The following CNGB1 variants were observed in gnomAD, a reference collection of about 807,000 sequenced individuals.
CNGB1 encodes cyclic nucleotide gated channel subunit beta 1.
In CNGB1, 126 loss-of-function variants were observed where a neutral mutation model predicts 151.7. That is an observed-to-expected ratio of 0.83 (90% CI 0.72 to 0.96). CNGB1 has a LOEUF of 0.96. CNGB1 is among the 40% of genes least tolerant of loss of function. The pLI is 0.00. For synonymous variants in CNGB1, 623 were observed against 635.1 expected, an observed-to-expected ratio of 0.98 and a Z score of 0.29; for missense variants, 1,698 against 1,627.0, an observed-to-expected ratio of 1.04 and a Z score of -0.75.
chr16:57,912,980 G>A lies in CNGB1; in HGVS notation c.2319C>T (p.Phe773=), dbSNP rs773402431. The change falls in exon 24 of 33, where the codon TTC becomes TTT. Residue 773 remains phenylalanine, a synonymous_variant. Transcript: ENST00000251102. ...TGGATTCCAGGCGGCTGTTAAACTC[G>A]AAGAAGGCCATGTACTGGAGGGAGA... ...LPRCLKYMAF[F]EFNSRLESIL... 6.2e-7 allele frequency: 1 copy of A among 1,613,938 alleles called. No homozygotes were observed. Among genetic ancestry groups the A allele is most frequent in the Non-Finnish European group, 8.5e-7 (1 of 1,179,850 alleles).
intron 7 of CNGB1, 107 bp from the exon 8 acceptor site, chr16:57,961,022 C>T: frequency 1.0e-6 from 1 of 980,428 alleles, no homozygotes; most frequent in Non-Finnish European, 1.6e-6. Flanking sequence ...CCCTCCAATC[C>T]TGTTCTGCAC....
rs1316234094 is a variant in CNGB1 at position 57,883,565 on chromosome 16, C to G, written c.*599G>C. On this transcript the variant is annotated 3_prime_UTR_variant, in exon 33 of 33. Coordinates refer to ENST00000251102, the MANE Select transcript of CNGB1 (RefSeq NM_001297.5). ...GGGACTACAGGTGCACACCATCACGCCTGGCTATTGTTTTTTTGTTTGTTT... is the reference window on the plus strand; with the variant it reads ...GGGACTACAGGTGCACACCATCACGGCTGGCTATTGTTTTTTTGTTTGTTT... 1.8e-5 allele frequency: 3 copies of G among 170,222 alleles called. No homozygotes were observed. The highest frequency in any genetic ancestry group is 1.8e-4 in the East Asian group (1 of 5,464). 10.5% of individuals were successfully genotyped at this position (170,222 alleles called of 1,614,324 possible). A position where few individuals can be genotyped will look rare whatever the true frequency, so the allele number is the denominator to read the frequency against.
chr16:57,915,171 G>A, intron 23 of CNGB1, 78 bp downstream of exon 23: 2 of 1,178,452 alleles, frequency 1.7e-6, no homozygotes, highest in East Asian at 2.3e-5. Context: ...TGCTGCTGGG[G>A]GCAGACACGA....
At chr16:57,909,693 A>C (rs1267864533) in intron 25 of CNGB1, among the ~76,000 whole-genome samples, 1 of 152,208 alleles carries the variant, frequency 6.6e-6, no homozygotes, top group African/African-American at 2.4e-5. Flanking sequence ...CTGGCTAAAA[A>C]AGTTTTTTTA....
At chr16:57,948,446 C>T (rs184507001) in intron 14 of CNGB1, among the ~76,000 whole-genome samples, 2 of 152,056 alleles carry the variant, frequency 1.3e-5, no homozygotes, top group Admixed American at 1.3e-4. Context: ...TGAGCCACCA[C>T]GCCTGGTCGA....
chr16:57,903,867 C>G lies in CNGB1; in HGVS notation c.2749G>C (p.Val917Leu), dbSNP rs200022855. ...YKIPKSVQNR[V>L]KTWYEYTWHS... ...CAGGTGTACTCGTACCAGGTCTTGA[C>G]GCGGTTCTGCACGGACTTGGGGATC... The change falls in exon 27 of 33, where the codon GTC becomes CTC. Residue 917 changes from valine to leucine, a missense_variant. Coordinates refer to ENST00000251102, the MANE Select transcript of CNGB1 (RefSeq NM_001297.5). 14 of 1,614,178 alleles carry G rather than the reference C, an allele frequency of 8.7e-6. No individual in the cohort carries two copies. Among genetic ancestry groups the G allele is most frequent in the East Asian group, 2.2e-5 (1 of 44,866 alleles).
At position 57,922,431 on chromosome 16, in the gene CNGB1, C is replaced by CT. The variant is rs60969134; in HGVS notation, c.1643+841dup. Among the ~76,000 whole-genome samples the CT allele has an allele frequency of 5.8e-3, 796 of 136,516 alleles. 5 individuals are homozygous for CT. Among genetic ancestry groups the CT allele is most frequent in the African/African-American group, 0.01 (351 of 33,548 alleles). The allele number at this position is 136,516 out of a possible 152,430, so 89.6% of individuals were successfully genotyped here. ...TCTTTCTCTCTTTCTTTCTTTCTTTCTTTTTTTTTTTTTTGAGATGAAGTA... is the reference window on the plus strand; with the variant it reads ...TCTTTCTCTCTTTCTTTCTTTCTTTCTTTTTTTTTTTTTTTGAGATGAAGTA... On this transcript the variant is annotated intron_variant, in intron 18 of 32. Transcript: ENST00000251102.
chr16:57,911,972 C>T (rs1225859691), intron 24 of CNGB1, 97 bp from the exon 25 acceptor site: 65 of 1,530,136 alleles, frequency 4.2e-5, no homozygotes, highest in South Asian at 9.1e-5. Flanking sequence ...TGGGCTGGCC[C>T]GACTGGATGC....
At chr16:57,932,483 A>C (rs1377915527) in intron 16 of CNGB1, among the ~76,000 whole-genome samples, 2 of 150,434 alleles carry the variant, frequency 1.3e-5, no homozygotes, top group Non-Finnish European at 2.9e-5. Context: ...GTTCACCCCA[A>C]GCTCCTTCTC....
At chr16:57,917,637 C>T (rs1405623703) in intron 20 of CNGB1, among the ~76,000 whole-genome samples, 161 bp from the exon 21 acceptor site, 4 of 147,958 alleles carry the variant, frequency 2.7e-5, no homozygotes, top group Non-Finnish European at 5.9e-5. Context: ...TACACACACA[C>T]ACACACACAC....
intron 14 of CNGB1, among the ~76,000 whole-genome samples, chr16:57,940,873 C>T (rs1291690202): frequency 6.6e-6 from 1 of 152,064 alleles, no homozygotes; most frequent in Non-Finnish European, 1.5e-5. Flanking sequence ...ACTGCAACTG[C>T]TGAAGTTTTC....
At chr16:57,936,681 AC>A (rs1468451211) in intron 16 of CNGB1, among the ~76,000 whole-genome samples, 8 of 152,100 alleles carry the variant, frequency 5.3e-5, no homozygotes, top group Non-Finnish European at 1.0e-4. Context: ...AATCCCAGCT[AC>A]TCGGGAGGCT....
intron 2 of CNGB1, among the ~76,000 whole-genome samples, chr16:57,965,881 T>G (rs944342652): frequency 6.6e-6 from 1 of 152,230 alleles, no homozygotes; most frequent in Non-Finnish European, 1.5e-5. Context: ...GTATACCCAT[T>G]GTGCAAATAC....
intron 14 of CNGB1, among the ~76,000 whole-genome samples, chr16:57,944,077 G>A (rs8048518): frequency 0.21 from 32,413 of 151,516 alleles, 5,090 homozygotes; most frequent in African/African-American, 0.44. Context: ...TAGTAGAGTC[G>A]GGGTTTCACC....
At chr16:57,964,314 G>T (rs1312076042) in intron 3 of CNGB1, 112 bp from the exon 4 acceptor site, 1 of 1,384,072 alleles carries the variant, frequency 7.2e-7, no homozygotes, top group Non-Finnish European at 1.0e-6. Context: ...GGGTCAGAAA[G>T]CCAGGCTCCA....
rs1040851384 is a variant in CNGB1, at chr16:57,967,450, T to C, written c.-8-156A>G. On this transcript the variant is annotated intron_variant, in intron 1 of 32. Transcript: ENST00000251102. ...GGCTCACACCTGTAATCCCAGCAAT[T>C]TGGGAGGCTGAGATGGGCCGATTGC... The C allele has an allele frequency of 1.5e-5, 11 of 719,212 alleles. No homozygotes were observed. The East Asian group carries it at 2.2e-4, about 15-fold the overall frequency. The allele number at this position is 719,212 out of a possible 1,614,324, so 44.6% of individuals were successfully genotyped here.
In CNGB1 at chr16:57,917,447, C is replaced by A. The variant is rs771774133; in HGVS notation, c.1987G>T (p.Val663Leu). 1 of 1,614,056 alleles carries A rather than the reference C, an allele frequency of 6.2e-7. No homozygotes were observed. The highest frequency in any genetic ancestry group is 1.1e-5 in the South Asian group (1 of 91,072). ...CAGTTCCAATTCCAGGCCATCACCA[C>A]GAAGAACAGCCATAGGACATACATC... The part of the protein sequence containing the change: ...NLMYVLWLFF[V>L]VMAWNWNCWL... The change falls in exon 21 of 33, where the codon GTG becomes TTG. Residue 663 changes from valine to leucine, a missense_variant. Val to Leu is a conservative substitution (Grantham distance 32). Transcript: ENST00000251102.
intron 31 of CNGB1, among the ~76,000 whole-genome samples, chr16:57,893,472 C>G (rs1478790943): frequency 6.6e-6 from 1 of 152,062 alleles, no homozygotes; most frequent in African/African-American, 2.4e-5. Flanking sequence ...GACAGGCACC[C>G]CACCGGAGAC....
chr16:57,967,064 G>A, intron 2 of CNGB1, 64 bp downstream of exon 2: 1 of 1,610,806 alleles, frequency 6.2e-7, no homozygotes, highest in Non-Finnish European at 8.5e-7. Context: ...AGAGCAGATG[G>A]CCCAAACTGG....
Sources: gnomAD v4.1 joint callset for allele counts (sites outside exome capture counted in the v4.1 genomes callset) on GRCh38, gnomAD v4.1.1 for gene constraint, MANE v1.5 for transcripts, NCBI Gene and HGNC (gene_info 2026-07-23, HGNC 2026-07-21) for gene names.